The following RO60 variants were observed in gnomAD, a reference collection of about 807,000 sequenced individuals.
The protein encoded by RO60 is RNA-binding protein RO60.
Under a neutral mutation model 55.3 loss-of-function variants are expected in RO60, and 20 were observed. The ratio of observed to expected loss-of-function variants is 0.36; its 90% CI spans 0.25 to 0.53. The LOEUF (loss-of-function observed/expected upper bound fraction) is 0.53. RO60 is among the 20% of genes least tolerant of loss of function. RO60 has a pLI of 0.92. For synonymous variants in RO60, 213 were observed against 213.6 expected (o/e 1.00, Z 0.02); for missense variants, 558 against 646.6 (o/e 0.86, Z 1.49).
rs377014679 is a variant in RO60 at position 193,069,348 on chromosome 1, T to C, written c.294T>C (p.Ile98=). 1 of 1,614,234 alleles carries C rather than the reference T, an allele frequency of 6.2e-7. No individual in the cohort carries two copies. Among genetic ancestry groups the C allele is most frequent in the African/African-American group, 1.3e-5 (1 of 75,052 alleles). The change falls in exon 2 of 9, where the codon ATT becomes ATC. Residue 98 remains isoleucine, a synonymous_variant. Coordinates refer to ENST00000400968, the MANE Select transcript of RO60 (RefSeq NM_001173524.2). The stretch of plus-strand genomic sequence containing the variant: ...AGCCTATGCTCTTTGCACTTGCCAT[T>C]TGTTCCCAGTGCTCCGACATAAGCA... ...KQEPMLFALA[I]CSQCSDISTK... is the part of the protein sequence containing the mutation.
rs1553267003 is a variant in RO60, at chr1:193,059,721, G to C, written c.-77G>C. The C allele has an allele frequency of 7.4e-7, 1 of 1,353,402 alleles. No homozygotes were observed. Among genetic ancestry groups the C allele is most frequent in the East Asian group, 4.7e-5 (1 of 21,400 alleles). 83.8% of individuals were successfully genotyped at this position (1,353,402 alleles called of 1,614,324 possible). A position where few individuals can be genotyped will look rare whatever the true frequency, so the allele number is the denominator to read the frequency against. On this transcript the variant is annotated 5_prime_UTR_variant, in exon 1 of 9. Transcript: ENST00000400968. The surrounding 1 kb of genome is among the most constrained non-coding windows in gnomAD (Gnocchi z 4.9). The stretch of plus-strand genomic sequence containing the variant: ...CCTTCTTTTGTCGTTTCCCAGCGCT[G>C]CGCAGGACTTCTCCTGGCGGCGCTG...
chr1:193,080,875 G>A (rs1674260803), intron 5 of RO60, among the ~76,000 whole-genome samples: 1 of 152,146 alleles, frequency 6.6e-6, no homozygotes, highest in East Asian at 1.9e-4. Flanking sequence ...ATGGCAATGG[G>A]GAGTTACTAC....
intron 2 of RO60, chr1:193,070,476 G>A: frequency 2.8e-6 from 1 of 359,942 alleles, no homozygotes. Context: ...CTCTTGGGCA[G>A]GAGTAATTTG....
At chr1:193,061,031 T>C (rs1208539982) in intron 1 of RO60, among the ~76,000 whole-genome samples, 4 of 152,218 alleles carry the variant, frequency 2.6e-5, no homozygotes, top group African/African-American at 4.8e-5. Context: ...AACTGAAAAT[T>C]TAGCCTTTGG....
intron 6 of RO60, among the ~76,000 whole-genome samples, 185 bp downstream of exon 6, chr1:193,081,665 T>G (rs1572101605): frequency 6.6e-6 from 1 of 152,264 alleles, no homozygotes; most frequent in African/African-American, 2.4e-5. Flanking sequence ...TGAAAAAGTA[T>G]GTCTAAAGAA....
rs190747341 is a variant in RO60 at position 193,065,498 on chromosome 1, C to T, written c.-21-3536C>T. On this transcript the variant is annotated intron_variant, in intron 1 of 8. Coordinates refer to ENST00000400968, the MANE Select transcript of RO60 (RefSeq NM_001173524.2). ...AAGCAGAAGTAGACAGGTTGAAGTG[C>T]AACCAGAGCCTGTTTTTATGAAAGC... Among the ~76,000 whole-genome samples, 5 of 152,276 alleles carry T rather than the reference C, an allele frequency of 3.3e-5. No homozygotes were observed. The East Asian group carries it at 9.6e-4, about 29-fold the overall frequency.
chr1:193,087,018 A>G lies in RO60; in HGVS notation c.*2287A>G, dbSNP rs1410705516. On this transcript the variant is annotated 3_prime_UTR_variant, in exon 9 of 9. Transcript: ENST00000400968. ...CTGTGCCAGAATTTATTTCCCCACA[A>G]CATGGGAATACATGGTCTCAGAAGA... 2 of 152,198 alleles carry G rather than the reference A, an allele frequency of 1.3e-5. No individual in the cohort carries two copies. Among genetic ancestry groups the G allele is most frequent in the Non-Finnish European group, 2.9e-5 (2 of 68,008 alleles). 9.4% of individuals were successfully genotyped at this position (152,198 alleles called of 1,614,324 possible).
At chr1:193,067,837 G>A (rs1673221264) in intron 1 of RO60, among the ~76,000 whole-genome samples, 1 of 152,094 alleles carries the variant, frequency 6.6e-6, no homozygotes, top group Admixed American at 6.5e-5. Context: ...CCTAAAAATG[G>A]CTTAAACAAT....
At chr1:193,076,841 A>G (rs1673956553) in intron 4 of RO60, 72 bp from the exon 5 acceptor site, 3 of 1,487,468 alleles carry the variant, frequency 2.0e-6, no homozygotes, top group Non-Finnish European at 1.8e-6. Flanking sequence ...ATTAGCTACA[A>G]TAACACAAAA....
chr1:193,084,454 C>T (rs892933496), intron 8 of RO60, 125 bp from the exon 9 acceptor site: 33 of 1,159,846 alleles, frequency 2.8e-5, no homozygotes, highest in Admixed American at 6.2e-5. Flanking sequence ...GATTGACCCC[C>T]GCAAAAAAAT....
In RO60 at chr1:193,059,779, G is replaced by A. The variant is rs1350359400; in HGVS notation, c.-22+3G>A. ...AGGGGGTCGGCTGCCAGGTACAGGT[G>A]AGGACATTGCGGGAGGCCGGCTGGG... On this transcript the variant is annotated splice_donor_region_variant and intron_variant, in intron 1 of 8. Coordinates refer to ENST00000400968, the MANE Select transcript of RO60 (RefSeq NM_001173524.2). The surrounding 1 kb of genome is among the most constrained non-coding windows in gnomAD (Gnocchi z 4.9). 7.4e-7 allele frequency: 1 copy of A among 1,357,054 alleles called. No individual in the cohort carries two copies. The highest frequency in any genetic ancestry group is 1.2e-5 in the South Asian group (1 of 86,450). 84.1% of individuals were successfully genotyped at this position (1,357,054 alleles called of 1,614,324 possible).
In RO60 at chr1:193,076,071, T is replaced by C; in HGVS notation, c.801+31T>C. On this transcript the variant is annotated intron_variant, in intron 3 of 8. Transcript: ENST00000400968. ...TGAATTATATGTTACAGCATGTGAT[T>C]AAACATGAGTAATTTAGTGTAGGTG... 4 of 1,447,934 alleles carry C rather than the reference T, an allele frequency of 2.8e-6. No homozygotes were observed. In the South Asian group the frequency reaches 5.1e-5, roughly 18 times the overall value. The allele number at this position is 1,447,934 out of a possible 1,614,324, so 89.7% of individuals were successfully genotyped here. A position where few individuals can be genotyped will look rare whatever the true frequency, so the allele number is the denominator to read the frequency against.
chr1:193,068,000 G>A (rs1673231057), intron 1 of RO60, among the ~76,000 whole-genome samples: 1 of 152,154 alleles, frequency 6.6e-6, no homozygotes, highest in Non-Finnish European at 1.5e-5. Context: ...TCTGAAGATG[G>A]TTGTTACCAC....
chr1:193,091,769 C>A, downstream of RO60: 1 of 1,137,178 alleles, frequency 8.8e-7, no homozygotes, highest in Non-Finnish European at 1.3e-6. Context: ...AAACTCTATG[C>A]ACATTAAACA....
Position 193,076,556 on chromosome 1 carries a change from G to C in RO60, c.857G>C (p.Gly286Ala). 1 of 1,612,658 alleles carries C rather than the reference G, an allele frequency of 6.2e-7. No individual in the cohort carries two copies. Among genetic ancestry groups the C allele is most frequent in the South Asian group, 1.1e-5 (1 of 90,850 alleles). Residue 286 changes from glycine (G) to alanine (A), a missense_variant, in exon 4 of 9, where the codon GGA becomes GCA. Coordinates refer to ENST00000400968, the MANE Select transcript of RO60 (RefSeq NM_001173524.2). ...CTTACTGCATTACTAAGGAATCTAG[G>C]AAAGATGACTGCTAATTCAGTACTT... ...MPLTALLRNL[G>A]KMTANSVLEP...
chr1:193,071,248 G>C (rs1437712256), intron 2 of RO60, among the ~76,000 whole-genome samples: 2 of 152,196 alleles, frequency 1.3e-5, no homozygotes, highest in Non-Finnish European at 2.9e-5. Context: ...GTTCCTAACA[G>C]GCCACGGACT....
At chr1:193,061,700 C>G (rs1365903250) in intron 1 of RO60, among the ~76,000 whole-genome samples, 1 of 152,198 alleles carries the variant, frequency 6.6e-6, no homozygotes, top group Non-Finnish European at 1.5e-5. Context: ...TGCGGCCATG[C>G]TTGGCCGGGC....
Position 193,069,766 on chromosome 1 carries a change from T to C in RO60, c.580+132T>C, listed in dbSNP as rs1266552700. The C allele has an allele frequency of 4.2e-6, 3 of 707,906 alleles. No homozygotes were observed. The African/African-American group carries it at 5.4e-5, about 13-fold the overall frequency. 43.9% of individuals were successfully genotyped at this position (707,906 alleles called of 1,614,324 possible). A position where few individuals can be genotyped will look rare whatever the true frequency, so the allele number is the denominator to read the frequency against. On this transcript the variant is annotated intron_variant, in intron 2 of 8. Transcript: ENST00000400968. ...CTTTTATTCTCAAAATATACATTAA[T>C]TCAAATATATTTAATGCCTTCCTGG... is the stretch of plus-strand genomic sequence containing the variant.
intron 7 of RO60, 85 bp from the exon 8 acceptor site, chr1:193,082,477 T>C: frequency 6.8e-7 from 1 of 1,481,258 alleles, no homozygotes; most frequent in Non-Finnish European, 9.3e-7. Context: ...GCTGTATATA[T>C]TGGTGCTAAA....
Sources: allele counts gnomAD v4.1 joint callset (sites outside exome capture counted in the v4.1 genomes callset), GRCh38; gene constraint gnomAD v4.1.1; non-coding constraint Gnocchi (gnomAD v3.1); transcripts MANE v1.5; gene names NCBI Gene and HGNC (gene_info 2026-07-23, HGNC 2026-07-21).